AHCYL2: variants seen among roughly 807,000 people sequenced by gnomAD.
AHCYL2 encodes the protein S-adenosylhomocysteine hydrolase-like protein 2.
AHCYL2 carries 28 observed loss-of-function variants against 81.4 expected under a neutral mutation model. The ratio of observed to expected loss-of-function variants is 0.34; its 90% CI spans 0.25 to 0.47. The LOEUF (loss-of-function observed/expected upper bound fraction) is 0.47, where lower values mean the gene tolerates loss of function less well. AHCYL2 is among the 20% of genes least tolerant of loss of function. The pLI is 1.00. For synonymous variants in AHCYL2, 272 were observed against 290.2 expected (o/e 0.94, Z 0.64); for missense variants, 551 against 785.1 (o/e 0.70, Z 3.56).
intron 1 of AHCYL2, among the ~76,000 whole-genome samples, chr7:129,269,120 A>G (rs1378349154): frequency 2.3e-5 from 3 of 129,816 alleles, no homozygotes; most frequent in Non-Finnish European, 4.8e-5. Context: ...TTTTTTTCCT[A>G]AATGATTCCT....
intron 1 of AHCYL2, among the ~76,000 whole-genome samples, chr7:129,330,008 T>G (rs1798361235): frequency 6.6e-6 from 1 of 152,218 alleles, no homozygotes; most frequent in Non-Finnish European, 1.5e-5. Flanking sequence ...TTTAATTTAA[T>G]TTTTTAAAAG....
chr7:129,286,402 G>A (rs1169595296), intron 1 of AHCYL2, among the ~76,000 whole-genome samples: 1 of 151,256 alleles, frequency 6.6e-6, no homozygotes, highest in African/African-American at 2.4e-5. Context: ...ACCTTTACCT[G>A]GTTTTCAAAG....
intron 1 of AHCYL2, among the ~76,000 whole-genome samples, chr7:129,336,039 C>A (rs1798588481): frequency 6.9e-6 from 1 of 144,002 alleles, no homozygotes; most frequent in Non-Finnish European, 1.5e-5. Flanking sequence ...CTTTTCTTTT[C>A]TCTTCTCTTC....
chr7:129,246,909 C>G (rs1259218342), intron 1 of AHCYL2, among the ~76,000 whole-genome samples: 2 of 152,080 alleles, frequency 1.3e-5, no homozygotes, highest in African/African-American at 4.8e-5. Flanking sequence ...TCAGTAGTTC[C>G]TTTTTATTGC....
chr7:129,321,743 G>GTTTTTTTTTTTTTTTTTTTTTT, intron 1 of AHCYL2, among the ~76,000 whole-genome samples: 2 of 77,624 alleles, frequency 2.6e-5, no homozygotes, highest in Non-Finnish European at 5.0e-5. Context: ...TTCTTTCTTT[G>GTTTTTTTTTTTTTTTTTTTTTT]TTTTTTTTTT....
intron 1 of AHCYL2, among the ~76,000 whole-genome samples, chr7:129,353,708 T>C (rs577807353): frequency 1.4e-3 from 203 of 149,244 alleles, no homozygotes; most frequent in African/African-American, 4.9e-3. Flanking sequence ...GGAGATGTTA[T>C]TAATAGATAC....
At chr7:129,268,711 A>G (rs1487022230) in intron 1 of AHCYL2, among the ~76,000 whole-genome samples, 4 of 152,242 alleles carry the variant, frequency 2.6e-5, no homozygotes, top group Non-Finnish European at 4.4e-5. Context: ...TTGTTTAAAC[A>G]AACCAAAAGT....
intron 1 of AHCYL2, among the ~76,000 whole-genome samples, chr7:129,330,469 C>A (rs1584790494): frequency 1.3e-5 from 2 of 149,516 alleles, no homozygotes; most frequent in East Asian, 2.0e-4. Flanking sequence ...TACTCTGGTA[C>A]ATTTTTTTTT....
At chr7:129,314,638 A>C (rs1053827614) in intron 1 of AHCYL2, among the ~76,000 whole-genome samples, 1 of 152,226 alleles carries the variant, frequency 6.6e-6, no homozygotes, top group Non-Finnish European at 1.5e-5. Flanking sequence ...AATCCCATTC[A>C]GTCCTCATGA....
At chr7:129,338,014 G>A (rs190580841) in intron 1 of AHCYL2, among the ~76,000 whole-genome samples, 7 of 152,324 alleles carry the variant, frequency 4.6e-5, no homozygotes, top group Non-Finnish European at 7.4e-5. Context: ...AAAGTGTTGG[G>A]ATTACAGGTA....
rs116502496 is a variant in AHCYL2, at chr7:129,246,643, C to T, written c.363+21204C>T. Among the ~76,000 whole-genome samples the T allele has an allele frequency of 5.2e-3, 787 of 152,100 alleles. 11 individuals carry two copies. Among genetic ancestry groups the T allele is most frequent in the African/African-American group, 0.018 (746 of 41,498 alleles). The stretch of plus-strand genomic sequence containing the variant: ...TTCCAAGTAGCTGGGGCTATAGTTG[C>T]GTGCCACCGTGGCTGGCTAATTTTT... On this transcript the variant is annotated intron_variant, in intron 1 of 16. Transcript: ENST00000325006.
intron 1 of AHCYL2, among the ~76,000 whole-genome samples, chr7:129,265,547 A>G (rs1795787833): frequency 6.6e-6 from 1 of 152,170 alleles, no homozygotes. Flanking sequence ...AAGGAAGTTT[A>G]TCAGACATTT....
intron 10 of AHCYL2, among the ~76,000 whole-genome samples, 166 bp from the exon 11 acceptor site, chr7:129,409,310 A>G (rs1211927528): frequency 6.6e-6 from 1 of 152,168 alleles, no homozygotes; most frequent in East Asian, 1.9e-4. Flanking sequence ...CGAACCTTTT[A>G]TTTCTGTCTT....
rs951521869 is a variant in AHCYL2 at position 129,428,001 on chromosome 7, G to A, written c.*956G>A. ...AAAGGCATACTTTTCCAGGGACTTA[G>A]GGGGATAGGCTTTGGAAATGGGACA... is the stretch of plus-strand genomic sequence containing the variant. On this transcript the variant is annotated 3_prime_UTR_variant, in exon 17 of 17. Coordinates refer to ENST00000325006, the MANE Select transcript of AHCYL2 (RefSeq NM_015328.4). 2 of 152,222 alleles carry A rather than the reference G, an allele frequency of 1.3e-5. No homozygotes were observed. Among genetic ancestry groups the A allele is most frequent in the Non-Finnish European group, 2.9e-5 (2 of 68,038 alleles). 9.4% of individuals were successfully genotyped at this position (152,222 alleles called of 1,614,324 possible). A position where few individuals can be genotyped will look rare whatever the true frequency, so the allele number is the denominator to read the frequency against.
At chr7:129,271,631 A>G (rs1266147956) in intron 1 of AHCYL2, among the ~76,000 whole-genome samples, 1 of 152,184 alleles carries the variant, frequency 6.6e-6, no homozygotes, top group Non-Finnish European at 1.5e-5. Context: ...GGGTGCGGGT[A>G]ACATTGGATT....
intron 1 of AHCYL2, among the ~76,000 whole-genome samples, chr7:129,356,427 T>C (rs7794622): frequency 0.35 from 53,371 of 152,018 alleles, 10,104 homozygotes; most frequent in African/African-American, 0.51. Context: ...TTCCACCCTA[T>C]CCCCTGTAAT....
chr7:129,279,831 G>A (rs1221481658), intron 1 of AHCYL2, among the ~76,000 whole-genome samples: 1 of 152,182 alleles, frequency 6.6e-6, no homozygotes, highest in Non-Finnish European at 1.5e-5. Context: ...TCACGGCACT[G>A]GTGGGAGTGT....
chr7:129,313,308 A>T (rs550644452), intron 1 of AHCYL2, among the ~76,000 whole-genome samples: 1 of 152,322 alleles, frequency 6.6e-6, no homozygotes, highest in South Asian at 2.1e-4. Context: ...AGAGGAGGTG[A>T]TAGGATTGGG....
chr7:129,338,120 G>C (rs1029460252), intron 1 of AHCYL2, among the ~76,000 whole-genome samples: 2 of 151,902 alleles, frequency 1.3e-5, no homozygotes, highest in African/African-American at 4.8e-5. Context: ...CTGTGGGACA[G>C]ATTGCTAGAG....
Sources: allele counts gnomAD v4.1 joint callset (sites outside exome capture counted in the v4.1 genomes callset), GRCh38; gene constraint gnomAD v4.1.1; transcripts MANE v1.5; gene names NCBI Gene and HGNC (gene_info 2026-07-23, HGNC 2026-07-21).